The following CDC14A variants were observed in gnomAD, a reference collection of about 807,000 sequenced individuals.
CDC14A encodes dual specificity protein phosphatase CDC14A.
Under a neutral mutation model 74.4 loss-of-function variants are expected in CDC14A, and 53 were observed. The ratio of observed to expected loss-of-function variants is 0.71; its 90% CI spans 0.57 to 0.89. The LOEUF is 0.89. Among genes scored for constraint, CDC14A ranks in the 40% least tolerant of loss-of-function variants. The probability of loss-of-function intolerance (pLI) is 0.00; values close to 1 mark genes in which losing one functional copy is unlikely to be tolerated. For missense variants in CDC14A, 646 were observed against 713.7 expected (o/e 0.91, Z 1.08); for synonymous variants, 247 against 258.4 (o/e 0.96, Z 0.43).
In CDC14A at chr1:100,403,185, C is replaced by T. The variant is rs150965134; in HGVS notation, c.309+12361C>T. 1.4e-4 allele frequency among the ~76,000 whole-genome samples: 21 copies of T among 152,294 alleles called. No homozygotes were observed. In the East Asian group the frequency reaches 3.7e-3, roughly 27 times the overall value. ...ACCATAAGAAACACATTTTACATTG[C>T]AGCCTAGTACACACACATACACACA... On this transcript the variant is annotated intron_variant, in intron 4 of 15. Transcript: ENST00000336454.
intron 11 of CDC14A, 77 bp downstream of exon 11, chr1:100,484,528 T>C (rs2101360983): frequency 7.1e-7 from 1 of 1,406,450 alleles, no homozygotes; most frequent in African/African-American, 1.5e-5. Flanking sequence ...CTATATAACA[T>C]AGCAGTGTCT....
At chr1:100,475,866 G>T (rs1557802123) in intron 10 of CDC14A, among the ~76,000 whole-genome samples, 1 of 152,180 alleles carries the variant, frequency 6.6e-6, no homozygotes, top group Non-Finnish European at 1.5e-5. Flanking sequence ...ACCTTAGTGA[G>T]GAGTGGGGCC....
At position 100,352,676 on chromosome 1, in the gene CDC14A, A is replaced by G; in HGVS notation, c.-279A>G. The G allele has an allele frequency of 7.7e-7, 1 of 1,303,484 alleles. No individual in the cohort carries two copies. Among genetic ancestry groups the G allele is most frequent in the Non-Finnish European group, 9.7e-7 (1 of 1,027,920 alleles). The allele number at this position is 1,303,484 out of a possible 1,614,324, so 80.7% of individuals were successfully genotyped here. On this transcript the variant is annotated 5_prime_UTR_variant, in exon 1 of 16. Coordinates refer to ENST00000336454, the MANE Select transcript of CDC14A (RefSeq NM_003672.4). ...CGTTTCCCAGGCGCGGCGGCGGCGG[A>G]GCAGCAGCTGCAGCAGCCGAGTCCA...
In CDC14A at chr1:100,412,728, T is replaced by A. The variant is rs1365775245; in HGVS notation, c.310-11494T>A. ...TATATATATATATATATATATTTTA[T>A]ATATATATATTTTATATATATATAT... On this transcript the variant is annotated intron_variant, in intron 4 of 15. Coordinates refer to ENST00000336454, the MANE Select transcript of CDC14A (RefSeq NM_003672.4). 1.2e-3 allele frequency among the ~76,000 whole-genome samples: 114 copies of A among 98,208 alleles called. 5 individuals are homozygous for A. The highest frequency in any genetic ancestry group is 1.7e-3 in the African/African-American group (32 of 19,110). The allele number at this position is 98,208 out of a possible 152,430, so 64.4% of individuals were successfully genotyped here. A position where few individuals can be genotyped will look rare whatever the true frequency, so the allele number is the denominator to read the frequency against.
intron 10 of CDC14A, among the ~76,000 whole-genome samples, chr1:100,479,542 T>C (rs1178788211): frequency 2.0e-5 from 3 of 152,246 alleles, no homozygotes; most frequent in African/African-American, 7.2e-5. Flanking sequence ...GGTCAAGGAA[T>C]ATAGGCTAAA....
chr1:100,434,954 T>C (rs1664147372), intron 5 of CDC14A, among the ~76,000 whole-genome samples: 1 of 152,216 alleles, frequency 6.6e-6, no homozygotes. Flanking sequence ...TACATGCCTT[T>C]CTAGCGGCAG....
At chr1:100,462,982 A>G in intron 9 of CDC14A, 101 bp downstream of exon 9, 3 of 808,138 alleles carry the variant, frequency 3.7e-6, no homozygotes, top group Non-Finnish European at 5.9e-6. Flanking sequence ...TCTTAGAAAA[A>G]CAATGAGGTT....
At chr1:100,392,532 G>A (rs1343413303) in intron 4 of CDC14A, among the ~76,000 whole-genome samples, 3 of 151,968 alleles carry the variant, frequency 2.0e-5, no homozygotes, top group Non-Finnish European at 4.4e-5. Flanking sequence ...GTTCAGGACA[G>A]TGTTCAGCAC....
At chr1:100,486,736 A>G (rs1309622905) in intron 11 of CDC14A, among the ~76,000 whole-genome samples, 2 of 152,202 alleles carry the variant, frequency 1.3e-5, no homozygotes, top group Non-Finnish European at 2.9e-5. Context: ...TTGAAATGCT[A>G]TTGTTTCTGA....
intron 15 of CDC14A, among the ~76,000 whole-genome samples, chr1:100,503,663 G>A (rs1190006438): frequency 6.6e-6 from 1 of 152,160 alleles, no homozygotes; most frequent in Non-Finnish European, 1.5e-5. Context: ...TGCTAGTCTT[G>A]CAGTTTCTAC....
At chr1:100,464,152 G>A (rs947098387) in intron 9 of CDC14A, among the ~76,000 whole-genome samples, 2 of 152,186 alleles carry the variant, frequency 1.3e-5, no homozygotes, top group Non-Finnish European at 2.9e-5. Context: ...GGGAAGCTGC[G>A]GTTTCCCAGA....
rs190145112 is a variant in CDC14A at position 100,384,215 on chromosome 1, T to C, written c.217-6517T>C. On this transcript the variant is annotated intron_variant, in intron 3 of 15. Transcript: ENST00000336454. Reference sequence around the variant, plus strand: ...TGTATTGTTCTATCATAGCAGTCATTGTACTTTGGTTTATAAGTACCATTA... The same window carrying C: ...TGTATTGTTCTATCATAGCAGTCATCGTACTTTGGTTTATAAGTACCATTA... Among the ~76,000 whole-genome samples the C allele has an allele frequency of 1.7e-3, 263 of 152,356 alleles. 2 individuals carry two copies. Among genetic ancestry groups the C allele is most frequent in the African/African-American group, 6.2e-3 (258 of 41,578 alleles).
intron 15 of CDC14A, among the ~76,000 whole-genome samples, chr1:100,516,710 C>T (rs541204485): frequency 2.1e-4 from 32 of 152,136 alleles, no homozygotes; most frequent in Non-Finnish European, 2.4e-4. Context: ...TGGTAGCTGG[C>T]GTCCCTCAAG....
At chr1:100,440,495 A>G (rs111628015) in intron 6 of CDC14A, among the ~76,000 whole-genome samples, 21 of 152,294 alleles carry the variant, frequency 1.4e-4, no homozygotes, top group African/African-American at 4.6e-4. Flanking sequence ...TTATTTCTGT[A>G]TATAATGGAG....
At chr1:100,447,688 G>A (rs1023025848) in intron 7 of CDC14A, among the ~76,000 whole-genome samples, 2 of 152,188 alleles carry the variant, frequency 1.3e-5, no homozygotes, top group Non-Finnish European at 2.9e-5. Flanking sequence ...ATTAAATTAG[G>A]TAGCTGTAGG....
At chr1:100,420,314 T>C (rs1216509555) in intron 4 of CDC14A, among the ~76,000 whole-genome samples, 1 of 151,506 alleles carries the variant, frequency 6.6e-6, no homozygotes, top group Non-Finnish European at 1.5e-5. Flanking sequence ...AGAGGTTGAA[T>C]TATCTGAGTA....
chr1:100,395,554 A>C (rs985395059), intron 4 of CDC14A, among the ~76,000 whole-genome samples: 10 of 152,228 alleles, frequency 6.6e-5, no homozygotes, highest in Non-Finnish European at 1.5e-4. Context: ...AGCCCAAGCC[A>C]CTGTCATTGT....
chr1:100,389,180 C>CA (rs1196346245), intron 3 of CDC14A, among the ~76,000 whole-genome samples: 696 of 51,684 alleles, frequency 0.013, 8 homozygotes, highest in African/African-American at 0.025. Context: ...GACCCTGTCT[C>CA]AAAAAAAAAA....
At chr1:100,469,031 A>G (rs1215957781) in intron 10 of CDC14A, among the ~76,000 whole-genome samples, 4 of 152,058 alleles carry the variant, frequency 2.6e-5, no homozygotes, top group Admixed American at 6.6e-5. Context: ...AAGTGCAGGG[A>G]TTACGGGTGT....
Sources: allele counts gnomAD v4.1 joint callset (sites outside exome capture counted in the v4.1 genomes callset), GRCh38; gene constraint gnomAD v4.1.1; transcripts MANE v1.5; gene names NCBI Gene and HGNC (gene_info 2026-07-23, HGNC 2026-07-21).